Variants in HUWE1 observed in about 807,000 individuals in gnomAD.
HUWE1 encodes the protein HECT, UBA and WWE domain containing E3 ubiquitin protein ligase 1.
In HUWE1, 18 loss-of-function variants were observed where a neutral mutation model predicts 299.4. The observed-to-expected ratio is 0.06, with a 90% CI of 0.04 to 0.09. The LOEUF is 0.09. Ranked by LOEUF, HUWE1 falls within the 10% of genes least tolerant of loss-of-function variation. The pLI is 1.00. For synonymous variants in HUWE1, 1,317 were observed against 1,286.1 expected (o/e 1.02, Z -0.51); for missense variants, 1,832 against 3,462.3 (o/e 0.53, Z 11.82).
At chrX:53,684,155 G>A (rs996113324) in intron 2 of HUWE1, 2 of 246,355 alleles carry the variant, frequency 8.1e-6, no homozygotes, top group Admixed American at 6.7e-5. Flanking sequence ...ACCTAACGAA[G>A]CAGTGAGGGG....
chrX:53,604,014 G>C (rs1250945223), intron 26 of HUWE1, among the ~76,000 whole-genome samples: 1 of 111,351 alleles, frequency 9.0e-6, no homozygotes. Flanking sequence ...AGATTTGATT[G>C]ATTCACAATT....
At chrX:53,563,367 A>G (rs1376505560) in intron 52 of HUWE1, among the ~76,000 whole-genome samples, 4 of 111,574 alleles carry the variant, frequency 3.6e-5, no homozygotes, top group Non-Finnish European at 5.7e-5. Context: ...TCAGGGAATG[A>G]TCATTCTTTT....
intron 19 of HUWE1, among the ~76,000 whole-genome samples, chrX:53,622,062 GAGA>G (rs1256795047): frequency 1.7e-4 from 19 of 112,193 alleles, no homozygotes; most frequent in African/African-American, 5.2e-4. Flanking sequence ...ACACGTGAGG[GAGA>G]AGGAGTCAGA....
At chrX:53,573,424 C>T (rs188422030) in intron 47 of HUWE1, among the ~76,000 whole-genome samples, 67 of 111,881 alleles carry the variant, frequency 6.0e-4, no homozygotes, top group African/African-American at 1.8e-3. Context: ...TTGCCTCAGC[C>T]TCCCGAATAG....
intron 16 of HUWE1, 48 bp downstream of exon 16, chrX:53,627,686 GGTTCA>G: frequency 9.1e-7 from 1 of 1,098,277 alleles, no homozygotes; most frequent in African/African-American, 1.8e-5. Flanking sequence ...ACAATCCTTA[GGTTCA>G]GCTCTGAGTA....
At chrX:53,533,667 G>A (rs1299383349) in intron 83 of HUWE1, 1 of 437,271 alleles carries the variant, frequency 2.3e-6, no homozygotes, top group African/African-American at 2.5e-5. Context: ...AGGCTAAAGT[G>A]CAAACTTGAA....
Position 53,534,051 on chromosome X carries a change from A to G in HUWE1, c.12978T>C (p.His4326=), listed in dbSNP as rs781876157. 2.5e-6 allele frequency: 3 copies of G among 1,211,531 alleles called. No individual in the cohort carries two copies. Among genetic ancestry groups the G allele is most frequent in the East Asian group, 5.9e-5 (2 of 33,835 alleles). Reference sequence around the variant, plus strand: ...GGCGATCTGTGGACCTGTCATCTCGATGGATCTGAAACTTCTGAATGCCAT... The same window carrying G: ...GGCGATCTGTGGACCTGTCATCTCGGTGGATCTGAAACTTCTGAATGCCAT... The part of the protein sequence containing the change: ...GMNGIQKFQI[H]RDDRSTDRLP... Residue 4326 remains histidine, a synonymous_variant, in exon 83 of 84, where the codon CAT becomes CAC. Transcript: ENST00000262854.
intron 81 of HUWE1, 42 bp downstream of exon 81, chrX:53,535,342 T>C (rs2060991852): frequency 2.4e-6 from 2 of 849,254 alleles, no homozygotes; most frequent in Non-Finnish European, 3.5e-6. Flanking sequence ...TCCGACCTCT[T>C]CTCATATTGA....
Position 53,627,563 on chromosome X carries a change from AT to A in HUWE1, c.1384-49del, listed in dbSNP as rs200854973. On this transcript the variant is annotated intron_variant, in intron 16 of 83. Transcript: ENST00000262854. ...AAGAAAATCAAGTATATATATATAT[AT>A]TTTTTTTTTCAGGGATTAAAAACTA... The A allele has an allele frequency of 1.8e-4, 116 of 641,638 alleles. 2 individuals carry two copies. Among genetic ancestry groups the A allele is most frequent in the Middle Eastern group, 1.2e-3 (3 of 2,418 alleles). The allele number at this position is 641,638 out of a possible 1,213,427, so 52.9% of individuals were successfully genotyped here.
rs190914377 is a variant in HUWE1 at position 53,586,431 on chromosome X, G to A, written c.4824+59C>T. 355 of 725,769 alleles carry A rather than the reference G, an allele frequency of 4.9e-4. 1 individual carries two copies. Among genetic ancestry groups the A allele is most frequent in the Admixed American group, 1.1e-3 (46 of 43,566 alleles). The allele number at this position is 725,769 out of a possible 1,213,427, so 59.8% of individuals were successfully genotyped here. A position where few individuals can be genotyped will look rare whatever the true frequency, so the allele number is the denominator to read the frequency against. On this transcript the variant is annotated intron_variant, in intron 39 of 83. Coordinates refer to ENST00000262854, the MANE Select transcript of HUWE1 (RefSeq NM_031407.7). ...CACTACTCTCTCATATTCTCTTCTGGTCTACTCTTGCCTCAGGAAGCTAAA... is the reference window on the plus strand; with the variant it reads ...CACTACTCTCTCATATTCTCTTCTGATCTACTCTTGCCTCAGGAAGCTAAA...
chrX:53,628,603 A>G lies in HUWE1; in HGVS notation c.1132T>C (p.Tyr378His), dbSNP rs782343862. The G allele has an allele frequency of 1.7e-6, 2 of 1,169,291 alleles. No homozygotes were observed. The highest frequency in any genetic ancestry group is 3.8e-5 in the South Asian group (2 of 52,778). Reference sequence around the variant, plus strand: ...AGAGCAGTGGCAAACTGGTGAGGGTATGGATCCATGGAAGGATCTACAAGG... The same window carrying G: ...AGAGCAGTGGCAAACTGGTGAGGGTGTGGATCCATGGAAGGATCTACAAGG... The part of the protein sequence containing the change: ...QAMIDPSMDP[Y>H]PHQFATALFS... The change falls in exon 15 of 84, where the codon TAC (tyrosine) becomes CAC (histidine). Residue 378 changes from tyrosine (Y) to histidine (H), a missense_variant. Tyr to His is a moderately conservative substitution (Grantham distance 83). This residue lies in a region of HUWE1 where 658 missense variants were observed against 1,282.6 expected (regional missense o/e 0.51). Coordinates refer to ENST00000262854, the MANE Select transcript of HUWE1 (RefSeq NM_031407.7).
chrX:53,610,072 T>C (rs1193035856), intron 23 of HUWE1, among the ~76,000 whole-genome samples: 1 of 111,525 alleles, frequency 9.0e-6, no homozygotes, highest in African/African-American at 3.3e-5. Context: ...AATGATTCCA[T>C]GAGAAGACCA....
intron 49 of HUWE1, among the ~76,000 whole-genome samples, chrX:53,566,289 CATT>C (rs1312161665): frequency 9.4e-6 from 1 of 106,551 alleles, no homozygotes; most frequent in Non-Finnish European, 1.9e-5. Context: ...TGGGATATCT[CATT>C]GTGCCAAAAA....
chrX:53,573,946 G>T lies in HUWE1; in HGVS notation c.6116C>A (p.Ser2039Tyr), dbSNP rs1244717017. The T allele has an allele frequency of 8.3e-7, 1 of 1,207,868 alleles. No individual in the cohort carries two copies. Among genetic ancestry groups the T allele is most frequent in the Non-Finnish European group, 1.1e-6 (1 of 893,918 alleles). Residue 2039 changes from serine to tyrosine, a missense_variant, in exon 47 of 84, where the codon TCT (serine) becomes TAT (tyrosine). Coordinates refer to ENST00000262854, the MANE Select transcript of HUWE1 (RefSeq NM_031407.7). Reference sequence around the variant, plus strand: ...TTCTTTATCTTTCTTCCCATCTCGAGACTCCTCTGGAGTTGAAGCTGTTGA... The same window carrying T: ...TTCTTTATCTTTCTTCCCATCTCGATACTCCTCTGGAGTTGAAGCTGTTGA... ...SQGEASTPEE[S>Y]RDGKKDKEGD...
chrX:53,648,552 A>AAAAAC (rs2068236869), intron 4 of HUWE1, among the ~76,000 whole-genome samples: 1 of 110,202 alleles, frequency 9.1e-6, no homozygotes, highest in Non-Finnish European at 1.9e-5. Context: ...AAAAAAAACA[A>AAAAAC]AAAACAAAAC....
chrX:53,630,154 CATTT>C (rs1312370303), intron 12 of HUWE1, among the ~76,000 whole-genome samples: 3 of 111,900 alleles, frequency 2.7e-5, no homozygotes, highest in Non-Finnish European at 5.6e-5. Context: ...TAGGCATATT[CATTT>C]AGTTTTCAAC....
At chrX:53,599,025 C>T (rs782805203) in intron 29 of HUWE1, among the ~76,000 whole-genome samples, 1 of 112,133 alleles carries the variant, frequency 8.9e-6, no homozygotes, top group South Asian at 3.7e-4. Flanking sequence ...CTAATGAATC[C>T]AATCATTGGG....
chrX:53,606,980 C>T (rs1206834781), intron 25 of HUWE1, among the ~76,000 whole-genome samples: 1 of 110,963 alleles, frequency 9.0e-6, no homozygotes, highest in Non-Finnish European at 1.9e-5. Flanking sequence ...TGTAGTTTAC[C>T]ACTATGAAAA....
intron 31 of HUWE1, among the ~76,000 whole-genome samples, chrX:53,594,260 C>A (rs782019192): frequency 8.9e-6 from 1 of 111,820 alleles, no homozygotes; most frequent in Admixed American, 9.4e-5. Flanking sequence ...AACTGGAAGC[C>A]ACATGAGAAA....
Sources: gnomAD v4.1 joint callset for allele counts (sites outside exome capture counted in the v4.1 genomes callset) on GRCh38, gnomAD v4.1.1 for gene constraint, gnomAD v4.1.1 regional missense constraint, MANE v1.5 for transcripts, NCBI Gene and HGNC (gene_info 2026-07-23, HGNC 2026-07-21) for gene names.